IPO7: variants seen among roughly 807,000 people sequenced by gnomAD.
IPO7 encodes importin 7.
A neutral mutation model predicts 136.4 loss-of-function variants in IPO7; 13 were observed. The observed-to-expected ratio is 0.10, with a 90% confidence interval of 0.06 to 0.15. IPO7 has a LOEUF of 0.15. IPO7 is among the 10% of genes least tolerant of loss of function. The pLI, the probability that IPO7 is intolerant of heterozygous loss-of-function variation, is 1.00. For missense variants in IPO7, 857 were observed against 1,240.6 expected (o/e 0.69, Z 4.65); for synonymous variants, 403 against 404.4 (o/e 1.00, Z 0.04).
chr11:9,387,674 A>G (rs1187890355), intron 1 of IPO7, among the ~76,000 whole-genome samples: 6 of 151,948 alleles, frequency 3.9e-5, no homozygotes, highest in Non-Finnish European at 8.8e-5. Context: ...TCTACTAAGA[A>G]TACAAAATTA....
rs757369981 is a variant in IPO7, at chr11:9,428,835, C to T, written c.1426-196C>T. 7 of 784,420 alleles carry T rather than the reference C, an allele frequency of 8.9e-6. No individual in the cohort carries two copies. In the East Asian group the frequency reaches 1.7e-4, roughly 19 times the overall value. The allele number at this position is 784,420 out of a possible 1,614,324, so 48.6% of individuals were successfully genotyped here. ...GCAGTGTCTGTCTGTGTTTTTCATT[C>T]AGATCTTGCTATCCACACAAACATC... On this transcript the variant is annotated intron_variant, in intron 13 of 24. Transcript: ENST00000379719.
chr11:9,392,527 T>C (rs1028708677), intron 1 of IPO7, among the ~76,000 whole-genome samples: 6 of 152,152 alleles, frequency 3.9e-5, no homozygotes, highest in African/African-American at 1.4e-4. Context: ...AATTACCTGG[T>C]TGTATTTAAT....
intron 5 of IPO7, among the ~76,000 whole-genome samples, chr11:9,416,326 A>G (rs139915512): frequency 9.0e-4 from 137 of 152,318 alleles, no homozygotes; most frequent in African/African-American, 2.8e-3. Flanking sequence ...ATGCCATTCT[A>G]TTGGACTCTT....
chr11:9,406,283 G>A (rs1204157568), intron 2 of IPO7, among the ~76,000 whole-genome samples: 3 of 151,744 alleles, frequency 2.0e-5, no homozygotes, highest in African/African-American at 4.8e-5. Context: ...GATCAAAGAC[G>A]TGAGCCACTG....
At chr11:9,400,508 G>A (rs1268015832) in intron 1 of IPO7, among the ~76,000 whole-genome samples, 2 of 151,554 alleles carry the variant, frequency 1.3e-5, no homozygotes, top group African/African-American at 2.4e-5. Flanking sequence ...TGCAGGCTCC[G>A]CCCCCGGGGT....
chr11:9,421,763 T>C (rs369595495), intron 8 of IPO7, among the ~76,000 whole-genome samples: 20 of 147,810 alleles, frequency 1.4e-4, no homozygotes, highest in Middle Eastern at 4.2e-3. Flanking sequence ...GCTAACACAG[T>C]GAAACCCCAT....
chr11:9,385,725 G>GC (rs1216715940), intron 1 of IPO7, among the ~76,000 whole-genome samples: 1 of 149,910 alleles, frequency 6.7e-6, no homozygotes, highest in Non-Finnish European at 1.5e-5. Flanking sequence ...TTCTCTGAAG[G>GC]TTTTTTTTTT....
rs1341669909 is a variant in IPO7, at chr11:9,414,344, C to A, written c.569C>A (p.Ser190Tyr). 1 of 1,612,440 alleles carries A rather than the reference C, an allele frequency of 6.2e-7. No homozygotes were observed. The highest frequency in any genetic ancestry group is 8.5e-7 in the Non-Finnish European group (1 of 1,178,684). ...VLKDRFIQLL[S>Y]DQSDQSVLIQ... ...AAGGATCGTTTTATCCAGCTTCTTT[C>A]TGACCAGTCTGATCAGTCTGTCCTC... Residue 190 changes from serine (S) to tyrosine (Y), a missense_variant, in exon 5 of 25, where the codon TCT becomes TAT. Coordinates refer to ENST00000379719, the MANE Select transcript of IPO7 (RefSeq NM_006391.3).
At chr11:9,429,590 T>C (rs371081486) in intron 14 of IPO7, 84 bp from the exon 15 acceptor site, 7 of 1,128,200 alleles carry the variant, frequency 6.2e-6, no homozygotes, top group African/African-American at 3.2e-5. Flanking sequence ...AAGTACTTTT[T>C]TAAAAAACTC....
Position 9,400,674 on chromosome 11 carries a change from G to A in IPO7, c.85-2616G>A, listed in dbSNP as rs549252120. Among the ~76,000 whole-genome samples, 71 of 151,818 alleles carry A rather than the reference G, an allele frequency of 4.7e-4. 1 individual carries two copies. The South Asian group carries it at 0.015, about 31-fold the overall frequency. On this transcript the variant is annotated intron_variant, in intron 1 of 24. Transcript: ENST00000379719. ...CCTGACCTCGTGGTCCGCCCGCCTC[G>A]GCCTCCTAAAGTGCTGGGATTACAG...
intron 13 of IPO7, 112 bp downstream of exon 13, chr11:9,428,741 G>C (rs1349899941): frequency 2.5e-6 from 2 of 805,190 alleles, no homozygotes; most frequent in Non-Finnish European, 4.5e-6. Flanking sequence ...TCTTATTTTA[G>C]GTTTCTGTTT....
intron 24 of IPO7, among the ~76,000 whole-genome samples, chr11:9,444,274 T>C (rs2133770108): frequency 8.3e-6 from 1 of 121,086 alleles, no homozygotes; most frequent in Admixed American, 8.3e-5. Context: ...TGAAACTCTG[T>C]CTCTAAAAAA....
intron 9 of IPO7, 92 bp from the exon 10 acceptor site, chr11:9,423,685 A>T: frequency 1.4e-6 from 1 of 731,976 alleles, no homozygotes; most frequent in Non-Finnish European, 2.3e-6. Context: ...TAAAATACAT[A>T]TAGTGTTACT....
intron 1 of IPO7, among the ~76,000 whole-genome samples, chr11:9,399,285 C>G (rs1041499365): frequency 6.6e-6 from 1 of 151,810 alleles, no homozygotes; most frequent in African/African-American, 2.4e-5. Context: ...GCCTCAGACT[C>G]CCGAGTAGCT....
At chr11:9,431,692 G>A (rs546281120) in intron 16 of IPO7, among the ~76,000 whole-genome samples, 7 of 151,926 alleles carry the variant, frequency 4.6e-5, no homozygotes, top group South Asian at 4.2e-4. Context: ...ATTATTGGGC[G>A]GCCAGGCATA....
At chr11:9,399,866 C>T (rs1321652450) in intron 1 of IPO7, among the ~76,000 whole-genome samples, 2 of 152,158 alleles carry the variant, frequency 1.3e-5, no homozygotes, top group African/African-American at 2.4e-5. Context: ...ACCTCCCTTT[C>T]ATCCACCTAA....
Position 9,442,132 on chromosome 11 carries a change from A to G in IPO7, c.2954A>G (p.Asn985Ser). The G allele has an allele frequency of 6.2e-7, 1 of 1,610,418 alleles. No homozygotes were observed. The highest frequency in any genetic ancestry group is 8.5e-7 in the Non-Finnish European group (1 of 1,176,706). The change falls in exon 24 of 25, where the codon AAT becomes AGT. Residue 985 changes from asparagine to serine, a missense_variant. Coordinates refer to ENST00000379719, the MANE Select transcript of IPO7 (RefSeq NM_006391.3). ...TATCAGGCACTGACTCACGGTCTTA[A>G]TGAAGAACAAAGAAAACAGTTACAG... ...VWYQALTHGL[N>S]EEQRKQLQDI...
chr11:9,440,702 A>T (rs1464204967), intron 23 of IPO7, 41 bp downstream of exon 23: 1 of 1,419,052 alleles, frequency 7.0e-7, no homozygotes, highest in Admixed American at 1.7e-5. Context: ...TCATTGAACA[A>T]ATCTGTTGTA....
At chr11:9,443,553 T>A (rs538084716) in intron 24 of IPO7, among the ~76,000 whole-genome samples, 1 of 147,300 alleles carries the variant, frequency 6.8e-6, no homozygotes, top group East Asian at 2.0e-4. Flanking sequence ...GTCGCGCCAT[T>A]GCACTCCAGC....
Sources: allele counts gnomAD v4.1 joint callset (sites outside exome capture counted in the v4.1 genomes callset), GRCh38; gene constraint gnomAD v4.1.1; transcripts MANE v1.5; gene names NCBI Gene and HGNC (gene_info 2026-07-23, HGNC 2026-07-21).